The following FDX1 variants were observed in gnomAD, a reference collection of about 807,000 sequenced individuals.
The protein encoded by FDX1 is adrenodoxin, mitochondrial.
Under a neutral mutation model 14.9 loss-of-function variants are expected in FDX1, and 9 were observed. The observed-to-expected ratio is 0.60, with a 90% CI of 0.36 to 1.05. The LOEUF (loss-of-function observed/expected upper bound fraction) is 1.05. Among genes scored for constraint, FDX1 ranks in the 50% least tolerant of loss-of-function variants. The probability of loss-of-function intolerance (pLI) is 0.01; values close to 1 mark genes in which losing one functional copy is unlikely to be tolerated. For missense variants in FDX1, 204 were observed against 237.2 expected (o/e 0.86, Z 0.92); for synonymous variants, 92 against 99.4 (o/e 0.93, Z 0.44).
chr11:110,449,137 A>C (rs774813006), intron 2 of FDX1, among the ~76,000 whole-genome samples: 59 of 152,270 alleles, frequency 3.9e-4, no homozygotes, highest in Non-Finnish European at 3.4e-4. Context: ...AGATATAACA[A>C]AATGTTAGGA....
chr11:110,433,877 T>C (rs932287726), intron 1 of FDX1, among the ~76,000 whole-genome samples: 5 of 152,250 alleles, frequency 3.3e-5, no homozygotes, highest in African/African-American at 1.2e-4. Flanking sequence ...ACTTGATAAC[T>C]TTCGAGATAG....
intron 2 of FDX1, 125 bp from the exon 3 acceptor site, chr11:110,456,793 G>C: frequency 1.0e-6 from 1 of 997,888 alleles, no homozygotes; most frequent in Admixed American, 2.6e-5. Flanking sequence ...ACAGGTGTGA[G>C]CCACTGTGCC....
At chr11:110,459,722 T>C (rs896430404) in intron 3 of FDX1, among the ~76,000 whole-genome samples, 10 of 152,186 alleles carry the variant, frequency 6.6e-5, no homozygotes, top group Admixed American at 2.0e-4. Flanking sequence ...ACTCAAAGTG[T>C]GAAATCAGGG....
chr11:110,436,713 T>G (rs1413635131), intron 2 of FDX1, among the ~76,000 whole-genome samples: 1 of 152,036 alleles, frequency 6.6e-6, no homozygotes. Context: ...GGAATAAGGT[T>G]CAAGGAGCGT....
intron 2 of FDX1, among the ~76,000 whole-genome samples, chr11:110,449,495 A>G (rs1946472524): frequency 2.0e-5 from 3 of 152,218 alleles, no homozygotes; most frequent in Non-Finnish European, 4.4e-5. Flanking sequence ...AACTTAAGCT[A>G]ATAAACATAT....
chr11:110,444,705 C>CACACATATATAT (rs1491350725), intron 2 of FDX1, among the ~76,000 whole-genome samples: 2 of 36,674 alleles, frequency 5.5e-5, no homozygotes, highest in African/African-American at 2.3e-4. Flanking sequence ...TATATATATA[C>CACACATATATAT]GTATATATAT....
intron 2 of FDX1, among the ~76,000 whole-genome samples, chr11:110,449,268 A>G (rs974617428): frequency 6.6e-6 from 1 of 152,232 alleles, no homozygotes; most frequent in African/African-American, 2.4e-5. Context: ...TTTTAAGTTC[A>G]TGAAAATTGT....
In FDX1 at chr11:110,444,668, A is replaced by G. The variant is rs184399682; in HGVS notation, c.310+8710A>G. Among the ~76,000 whole-genome samples, 192 of 68,082 alleles carry G rather than the reference A, an allele frequency of 2.8e-3. 4 individuals carry two copies. The highest frequency in any genetic ancestry group is 0.012 in the East Asian group (22 of 1,766). The allele number at this position is 68,082 out of a possible 152,430, so 44.7% of individuals were successfully genotyped here. On this transcript the variant is annotated intron_variant, in intron 2 of 3. Transcript: ENST00000260270. ...TGTGTGTGTATATATATATATACGT[A>G]TATATATATATATATACACGTATAT...
intron 2 of FDX1, among the ~76,000 whole-genome samples, chr11:110,455,356 G>A (rs965095384): frequency 6.6e-6 from 1 of 151,994 alleles, no homozygotes; most frequent in African/African-American, 2.4e-5. Flanking sequence ...TTATAAGGAA[G>A]GAACAACTCT....
intron 2 of FDX1, among the ~76,000 whole-genome samples, chr11:110,446,299 C>G (rs1946449608): frequency 6.6e-6 from 1 of 152,148 alleles, no homozygotes; most frequent in Non-Finnish European, 1.5e-5. Flanking sequence ...TGCAGGAGCC[C>G]ATCTAAACAC....
At chr11:110,442,250 T>C (rs7103512) in intron 2 of FDX1, among the ~76,000 whole-genome samples, 46,263 of 152,176 alleles carry the variant, frequency 0.3, 7,267 homozygotes, top group East Asian at 0.39. Flanking sequence ...AGAGTCCCTA[T>C]TGGGGCACCG....
intron 2 of FDX1, among the ~76,000 whole-genome samples, chr11:110,453,986 G>A (rs1946504094): frequency 6.6e-6 from 1 of 152,114 alleles, no homozygotes; most frequent in African/African-American, 2.4e-5. Flanking sequence ...TTGTTGGCAA[G>A]TTTTTTTGGC....
intron 1 of FDX1, among the ~76,000 whole-genome samples, chr11:110,434,026 T>A (rs1050831515): frequency 1.3e-5 from 2 of 152,208 alleles, no homozygotes; most frequent in Non-Finnish European, 2.9e-5. Flanking sequence ...AGGTAAAAAT[T>A]AAAATGACCA....
intron 1 of FDX1, 68 bp downstream of exon 1, chr11:110,430,373 T>G (rs1946322217): frequency 9.4e-7 from 1 of 1,062,952 alleles, no homozygotes; most frequent in African/African-American, 1.7e-5. Flanking sequence ...CCTGGCTCTC[T>G]GGGCCGAGTC....
At chr11:110,436,927 G>A (rs780105390) in intron 2 of FDX1, among the ~76,000 whole-genome samples, 8 of 152,080 alleles carry the variant, frequency 5.3e-5, no homozygotes, top group Non-Finnish European at 1.2e-4. Flanking sequence ...TGTACTCCAT[G>A]AGGTTACCTG....
chr11:110,458,215 G>A (rs1946534641), intron 3 of FDX1, among the ~76,000 whole-genome samples: 1 of 152,058 alleles, frequency 6.6e-6, no homozygotes, highest in South Asian at 2.1e-4. Context: ...GAAAAGAAAG[G>A]GAAAAGGGAG....
At chr11:110,430,554 G>C (rs1946324051) in intron 1 of FDX1, among the ~76,000 whole-genome samples, 1 of 152,216 alleles carries the variant, frequency 6.6e-6, no homozygotes, top group Non-Finnish European at 1.5e-5. Flanking sequence ...GCGGGAATCG[G>C]GGACCCTGGA....
intron 2 of FDX1, among the ~76,000 whole-genome samples, chr11:110,456,573 C>T (rs549470761): frequency 1.6e-3 from 238 of 145,864 alleles, no homozygotes; most frequent in Non-Finnish European, 1.9e-3. Flanking sequence ...AGAGTGTAAC[C>T]TCAGCTCACT....
At chr11:110,458,476 G>A (rs1946536548) in intron 3 of FDX1, among the ~76,000 whole-genome samples, 1 of 152,146 alleles carries the variant, frequency 6.6e-6, no homozygotes, top group South Asian at 2.1e-4. Context: ...CTCAAAGCTA[G>A]TAACCACATG....
Sources: allele counts gnomAD v4.1 joint callset (sites outside exome capture counted in the v4.1 genomes callset), GRCh38; gene constraint gnomAD v4.1.1; transcripts MANE v1.5; gene names NCBI Gene and HGNC (gene_info 2026-07-23, HGNC 2026-07-21).